DEPTOR: variants seen among roughly 807,000 people sequenced by gnomAD.
DEPTOR encodes DEP domain-containing mTOR-interacting protein.
DEPTOR carries 41 observed loss-of-function variants against 41.6 expected under a neutral mutation model. The observed-to-expected ratio is 0.98, with a 90% CI of 0.77 to 1.28. The LOEUF is 1.28. Ranked by LOEUF, DEPTOR falls within the 50% of genes most tolerant of loss-of-function variation. The probability of loss-of-function intolerance (pLI) is 0.00; values close to 1 mark genes in which losing one functional copy is unlikely to be tolerated. For synonymous variants in DEPTOR, 195 were observed against 192.3 expected (o/e 1.01, Z -0.12); for missense variants, 514 against 527.9 (o/e 0.97, Z 0.26).
intron 4 of DEPTOR, among the ~76,000 whole-genome samples, chr8:119,995,369 T>C (rs912348356): frequency 6.6e-6 from 1 of 152,084 alleles, no homozygotes; most frequent in Non-Finnish European, 1.5e-5. Context: ...GTGGATCACC[T>C]GAGGTCAGGA....
intron 1 of DEPTOR, among the ~76,000 whole-genome samples, chr8:119,908,214 G>T (rs371795793): frequency 7.4e-4 from 113 of 152,238 alleles, no homozygotes; most frequent in African/African-American, 2.7e-3. Flanking sequence ...GGGCATGGAA[G>T]CTCTGTGTCC....
rs769961499 is a variant in DEPTOR, at chr8:120,009,100, C to G, written c.1068C>G (p.Asp356Glu). ...GSKPCHIQAV[D>E]PSGPAAAAGM... ...AGCCATGCCACATCCAGGCTGTAGA[C>G]CCCAGTGGCCCTGCAGCCGCAGCAG... is the stretch of plus-strand genomic sequence containing the variant. The change falls in exon 8 of 9, where the codon GAC becomes GAG. Residue 356 changes from aspartate to glutamate, a missense_variant. Physicochemically the swap from Asp to Glu is conservative, Grantham distance 45. Transcript: ENST00000286234. The G allele has an allele frequency of 3.1e-6, 5 of 1,613,994 alleles. No homozygotes were observed. Among genetic ancestry groups the G allele is most frequent in the Non-Finnish European group, 4.2e-6 (5 of 1,179,980 alleles).
chr8:120,029,593 A>T (rs1369080980), intron 8 of DEPTOR, among the ~76,000 whole-genome samples: 1 of 152,014 alleles, frequency 6.6e-6, no homozygotes, highest in Non-Finnish European at 1.5e-5. Context: ...ACAGGGTTTC[A>T]CCATATTGGT....
chr8:119,990,446 A>G (rs1330940138), intron 4 of DEPTOR, among the ~76,000 whole-genome samples: 1 of 152,174 alleles, frequency 6.6e-6, no homozygotes, highest in African/African-American at 2.4e-5. Flanking sequence ...GTGAGCCACC[A>G]TGCCCGGCCA....
At position 119,873,779 on chromosome 8, in the gene DEPTOR, A is replaced by T. The variant is rs1020845633; in HGVS notation, c.-68A>T. Reference sequence around the variant, plus strand: ...TGGCGCGGGAAGCGTCTGTGAGGGCAGACTGATCCGAGCACCCAAACCCTC... The same window carrying T: ...TGGCGCGGGAAGCGTCTGTGAGGGCTGACTGATCCGAGCACCCAAACCCTC... On this transcript the variant is annotated 5_prime_UTR_variant, in exon 1 of 9. Transcript: ENST00000286234. 1.3e-6 allele frequency: 2 copies of T among 1,594,946 alleles called. No individual in the cohort carries two copies. The highest frequency in any genetic ancestry group is 8.5e-7 in the Non-Finnish European group (1 of 1,171,060).
intron 8 of DEPTOR, among the ~76,000 whole-genome samples, chr8:120,024,069 G>A (rs1812762697): frequency 6.6e-6 from 1 of 151,964 alleles, no homozygotes; most frequent in African/African-American, 2.4e-5. Flanking sequence ...AACCCTATCT[G>A]TACTAAAAAT....
intron 1 of DEPTOR, among the ~76,000 whole-genome samples, chr8:119,900,925 G>T (rs530628849): frequency 3.2e-4 from 49 of 152,148 alleles, no homozygotes; most frequent in African/African-American, 1.1e-3. Context: ...ACTCTTCTAG[G>T]CATAGAGTAG....
chr8:120,032,657 G>A (rs1812910559), intron 8 of DEPTOR, among the ~76,000 whole-genome samples: 1 of 152,184 alleles, frequency 6.6e-6, no homozygotes, highest in African/African-American at 2.4e-5. Flanking sequence ...GAGCAGAACT[G>A]CATGTGGAGC....
At chr8:119,877,947 T>TTGAGATGGAGTTTCAC (rs1285650585) in intron 1 of DEPTOR, among the ~76,000 whole-genome samples, 1 of 152,192 alleles carries the variant, frequency 6.6e-6, no homozygotes, top group Non-Finnish European at 1.5e-5. Flanking sequence ...GTTTTGTTTT[T>TTGAGATGGAGTTTCAC]TGAGATGGAG....
chr8:120,001,691 A>G lies in DEPTOR; in HGVS notation c.771A>G (p.Lys257=). 6.2e-7 allele frequency: 1 copy of G among 1,613,110 alleles called. No homozygotes were observed. ...CLRKQSHDNR[K]STSFMSVSPS... ...GGAAGCAGAGCCATGACAATCGGAA[A>G]TCTACCAGCTTTATGTCAGGTATGC... is the stretch of plus-strand genomic sequence containing the variant. The change falls in exon 5 of 9, where the codon AAA becomes AAG. Residue 257 remains lysine, a synonymous_variant. Transcript: ENST00000286234.
At chr8:120,036,978 GGTTTTT>G (rs1182679440) in intron 8 of DEPTOR, among the ~76,000 whole-genome samples, 6 of 152,106 alleles carry the variant, frequency 3.9e-5, no homozygotes, top group African/African-American at 1.4e-4. Flanking sequence ...ACCTTGTGTT[GGTTTTT>G]GTTTTTATTT....
At chr8:119,906,983 C>A (rs1827671797) in intron 1 of DEPTOR, among the ~76,000 whole-genome samples, 1 of 152,100 alleles carries the variant, frequency 6.6e-6, no homozygotes, top group African/African-American at 2.4e-5. Flanking sequence ...AAAGGACTGT[C>A]AACATGGTAA....
At chr8:119,962,413 A>C (rs1283359270) in intron 3 of DEPTOR, among the ~76,000 whole-genome samples, 1 of 152,114 alleles carries the variant, frequency 6.6e-6, no homozygotes, top group African/African-American at 2.4e-5. Context: ...ACCATAACCG[A>C]GATGCAAAAC....
intron 3 of DEPTOR, among the ~76,000 whole-genome samples, chr8:119,957,037 A>G (rs1828427338): frequency 6.6e-6 from 1 of 151,960 alleles, no homozygotes; most frequent in African/African-American, 2.4e-5. Context: ...GTCCCTGGCC[A>G]GAGACAGGGT....
intron 1 of DEPTOR, among the ~76,000 whole-genome samples, chr8:119,887,742 T>G (rs553578682): frequency 2.0e-5 from 3 of 151,522 alleles, no homozygotes; most frequent in Non-Finnish European, 4.4e-5. Flanking sequence ...TGACCTCAAG[T>G]GATCCGCCCA....
At chr8:119,957,062 C>G (rs2129943744) in intron 3 of DEPTOR, among the ~76,000 whole-genome samples, 2 of 152,128 alleles carry the variant, frequency 1.3e-5, no homozygotes, top group Middle Eastern at 3.4e-3. Flanking sequence ...CTGTGTCATC[C>G]AGGCTGGAGT....
At chr8:119,888,943 A>G (rs116268018) in intron 1 of DEPTOR, among the ~76,000 whole-genome samples, 2,779 of 150,146 alleles carry the variant, frequency 0.019, 83 homozygotes, top group African/African-American at 0.063. Flanking sequence ...GAAGGGGTGT[A>G]TATCATATAG....
chr8:120,006,929 G>A, intron 7 of DEPTOR, 54 bp downstream of exon 7: 1 of 1,538,014 alleles, frequency 6.5e-7, no homozygotes, highest in Non-Finnish European at 9.0e-7. Flanking sequence ...TCTGCACCGT[G>A]TCCATGTGTC....
At chr8:119,901,982 G>A (rs1217567622) in intron 1 of DEPTOR, among the ~76,000 whole-genome samples, 1 of 150,208 alleles carries the variant, frequency 6.7e-6, no homozygotes, top group Non-Finnish European at 1.5e-5. Flanking sequence ...CTAAGTGTCT[G>A]TGATACATAT....
Sources: gnomAD v4.1 joint callset for allele counts (sites outside exome capture counted in the v4.1 genomes callset) on GRCh38, gnomAD v4.1.1 for gene constraint, MANE v1.5 for transcripts, NCBI Gene and HGNC (gene_info 2026-07-23, HGNC 2026-07-21) for gene names.